Variants in NFIB observed in about 807,000 individuals in gnomAD.
NFIB encodes nuclear factor 1 B-type.
NFIB carries 11 observed loss-of-function variants against 61.5 expected under a neutral mutation model. The observed-to-expected ratio is 0.18, with a 90% CI of 0.11 to 0.30. NFIB has a LOEUF of 0.30. NFIB is among the 10% of genes least tolerant of loss of function. The pLI, the probability that NFIB is intolerant of heterozygous loss-of-function variation, is 1.00. For missense variants in NFIB, 471 were observed against 608.9 expected (o/e 0.77, Z 2.38); for synonymous variants, 260 against 216.5 (o/e 1.20, Z -1.76).
chr9:14,120,338 T>C lies in NFIB; in HGVS notation c.1245+102A>G. 1 of 1,276,992 alleles carries C rather than the reference T, an allele frequency of 7.8e-7. No homozygotes were observed. 79.1% of individuals were successfully genotyped at this position (1,276,992 alleles called of 1,614,324 possible). On this transcript the variant is annotated intron_variant, in intron 8 of 10. Transcript: ENST00000380953. This position sits in a 1 kb window ranked among gnomAD's most constrained non-coding sequence, Gnocchi z 4.4. The stretch of plus-strand genomic sequence containing the variant: ...CTTCCTGAAGATGGATTTCAAGGCT[T>C]GACGTTCTGCCAGACACACTGTCTG...
chr9:14,353,394 A>T (rs1357915423), intron 1 of NFIB, among the ~76,000 whole-genome samples: 2 of 152,168 alleles, frequency 1.3e-5, no homozygotes, highest in African/African-American at 2.4e-5. Flanking sequence ...GCAAGTGAGA[A>T]CAAATGGTGG....
Position 14,285,529 on chromosome 9 carries a change from G to A in NFIB, c.562+21460C>T, listed in dbSNP as rs144638791. On this transcript the variant is annotated intron_variant, in intron 2 of 10. Coordinates refer to ENST00000380953, the MANE Select transcript of NFIB (RefSeq NM_001190737.2). ...TTCTTTTGTCTCTTTTACCCTACTG[G>A]GGCCAGAGGAAGTTCATTATCTAGA... Among the ~76,000 whole-genome samples the A allele has an allele frequency of 2.8e-3, 429 of 152,194 alleles. 2 individuals carry two copies. The highest frequency in any genetic ancestry group is 4.5e-3 in the Admixed American group (69 of 15,278).
chr9:14,126,815 C>A (rs1378337976), intron 6 of NFIB, among the ~76,000 whole-genome samples: 1 of 152,196 alleles, frequency 6.6e-6, no homozygotes, highest in African/African-American at 2.4e-5. Flanking sequence ...AGACAGAAAT[C>A]ATGAAGACCA....
the NFIB span, among the ~76,000 whole-genome samples, chr9:14,484,331 G>C: frequency 1.3e-5 from 2 of 152,150 alleles, no homozygotes; most frequent in African/African-American, 2.4e-5. Context: ...TAACTGAATA[G>C]ATTTAACTCT....
intron 4 of NFIB, among the ~76,000 whole-genome samples, chr9:14,154,826 G>C (rs2043216982): frequency 6.6e-6 from 1 of 152,190 alleles, no homozygotes; most frequent in Admixed American, 6.5e-5. Context: ...AAGACAGTCA[G>C]TGATAGCGTG....
intron 2 of NFIB, among the ~76,000 whole-genome samples, chr9:14,291,119 G>C (rs1216498795): frequency 6.6e-6 from 1 of 152,028 alleles, no homozygotes; most frequent in Non-Finnish European, 1.5e-5. Context: ...TTATTCCAGA[G>C]TCTCTTGATA....
chr9:14,472,543 C>A, the NFIB span, among the ~76,000 whole-genome samples: 1 of 152,058 alleles, frequency 6.6e-6, no homozygotes, highest in Admixed American at 6.6e-5. Context: ...TCTAGTAATT[C>A]GTTTTTATTA....
Position 14,242,163 on chromosome 9 carries a change from G to A in NFIB, c.563-62383C>T, listed in dbSNP as rs373645207. Among the ~76,000 whole-genome samples the A allele has an allele frequency of 3.0e-4, 46 of 152,324 alleles. No homozygotes were observed. In the East Asian group the frequency reaches 3.3e-3, roughly 11 times the overall value. Reference sequence around the variant, plus strand: ...GATTCTCTGTAAACATAACTAGTGAGTCTTTATTTTTCAGATGATTCTGAA... The same window carrying A: ...GATTCTCTGTAAACATAACTAGTGAATCTTTATTTTTCAGATGATTCTGAA... On this transcript the variant is annotated intron_variant, in intron 2 of 10. Transcript: ENST00000380953.
intron 6 of NFIB, among the ~76,000 whole-genome samples, chr9:14,143,672 A>C (rs1046040628): frequency 6.6e-6 from 1 of 152,188 alleles, no homozygotes; most frequent in African/African-American, 2.4e-5. Context: ...GTAGGAGAAA[A>C]TATTATAAAT....
intron 2 of NFIB, among the ~76,000 whole-genome samples, chr9:14,212,261 A>G (rs2050393901): frequency 6.6e-6 from 1 of 152,252 alleles, no homozygotes; most frequent in Non-Finnish European, 1.5e-5. Flanking sequence ...TCCAATTCAC[A>G]TTAAGGTTGA....
At chr9:14,460,460 A>T in the NFIB span, among the ~76,000 whole-genome samples, 2 of 152,258 alleles carry the variant, frequency 1.3e-5, no homozygotes, top group Admixed American at 6.5e-5. Context: ...TGGCACATGT[A>T]TACACACGTA....
At chr9:14,404,284 G>C in the NFIB span, among the ~76,000 whole-genome samples, 1 of 152,090 alleles carries the variant, frequency 6.6e-6, no homozygotes, top group Non-Finnish European at 1.5e-5. Context: ...ACCACCCCGA[G>C]GATTCTTTGA....
Position 14,087,292 on chromosome 9 carries a change from T to C in NFIB, c.*1017A>G, listed in dbSNP as rs2033006082. On this transcript the variant is annotated 3_prime_UTR_variant, in exon 11 of 11. Transcript: ENST00000380953. ...CATGATTTGTCTTGATTTAATGCCT[T>C]TTTAATGCCCTCAAAAACTGAGGGG... 1 of 204,652 alleles carries C rather than the reference T, an allele frequency of 4.9e-6. No individual in the cohort carries two copies. Among genetic ancestry groups the C allele is most frequent in the Non-Finnish European group, 1.0e-5 (1 of 99,828 alleles). The allele number at this position is 204,652 out of a possible 1,614,324, so 12.7% of individuals were successfully genotyped here. A position where few individuals can be genotyped will look rare whatever the true frequency, so the allele number is the denominator to read the frequency against.
chr9:14,152,013 T>C (rs1043796512), intron 4 of NFIB, among the ~76,000 whole-genome samples: 4 of 152,148 alleles, frequency 2.6e-5, no homozygotes, highest in Admixed American at 1.3e-4. Flanking sequence ...TGAATTGTAT[T>C]TTAATATTAG....
chr9:14,312,136 A>G (rs548499156), intron 1 of NFIB, among the ~76,000 whole-genome samples: 30 of 152,370 alleles, frequency 2.0e-4, no homozygotes, highest in African/African-American at 7.2e-4. Context: ...AATATAAACA[A>G]TAAAAAATGT....
chr9:14,134,907 A>AAAAAAAAAAAAAAAAAAAAAAAC (rs1563820775), intron 6 of NFIB, among the ~76,000 whole-genome samples: 1 of 125,864 alleles, frequency 7.9e-6, no homozygotes, highest in African/African-American at 3.0e-5. Context: ...CAAAAAAAAA[A>AAAAAAAAAAAAAAAAAAAAAAAC]AAAAAAAAAA....
the NFIB span, among the ~76,000 whole-genome samples, chr9:14,458,179 G>C: frequency 6.6e-6 from 1 of 152,208 alleles, no homozygotes; most frequent in Non-Finnish European, 1.5e-5. Context: ...TGATCAAGTG[G>C]GCTTCATCCC....
At chr9:14,353,688 G>A (rs555964164) in intron 1 of NFIB, among the ~76,000 whole-genome samples, 1 of 152,254 alleles carries the variant, frequency 6.6e-6, no homozygotes, top group East Asian at 1.9e-4. Context: ...CCTGCGAGCT[G>A]ACGTGGAGAC....
the NFIB span, among the ~76,000 whole-genome samples, chr9:14,453,506 A>G: frequency 6.6e-6 from 1 of 152,258 alleles, no homozygotes; most frequent in Admixed American, 6.5e-5. Context: ...TAAGCACTTT[A>G]ATGTCAACAG....
Sources: allele counts gnomAD v4.1 joint callset (sites outside exome capture counted in the v4.1 genomes callset), GRCh38; gene constraint gnomAD v4.1.1; non-coding constraint Gnocchi (gnomAD v3.1); transcripts MANE v1.5; gene names NCBI Gene and HGNC (gene_info 2026-07-23, HGNC 2026-07-21).